The following GNAO1 variants were observed in gnomAD, a reference collection of about 807,000 sequenced individuals.
GNAO1 encodes guanine nucleotide-binding protein G(o) subunit alpha.
For synonymous variants in GNAO1, 164 were observed against 180.7 expected (o/e 0.91, Z 0.74); for missense variants, 166 against 478.7 (o/e 0.35, Z 6.10).
chr16:56,345,295 T>C, intron 6 of GNAO1: 1 of 985,370 alleles, frequency 1.0e-6, no homozygotes. Context: ...GACCTAGATG[T>C]GCCATGGGAG....
At chr16:56,192,553 C>G (rs1475097755) in intron 1 of GNAO1, 21 bp from the exon 2 acceptor site, 1 of 1,573,110 alleles carries the variant, frequency 6.4e-7, no homozygotes, top group Non-Finnish European at 8.7e-7. Context: ...CAGTTTTTCC[C>G]CACTGTCTGT....
chr16:56,282,621 G>A (rs547283973), intron 3 of GNAO1, among the ~76,000 whole-genome samples: 8 of 152,360 alleles, frequency 5.3e-5, no homozygotes, highest in Admixed American at 2.6e-4. Flanking sequence ...TGAGCAAGGA[G>A]AGTCAGGCAG....
intron 2 of GNAO1, among the ~76,000 whole-genome samples, chr16:56,234,412 A>C (rs908009812): frequency 6.6e-6 from 1 of 152,266 alleles, no homozygotes; most frequent in African/African-American, 2.4e-5. Context: ...GGGGATTGAC[A>C]GACATGCTCG....
chr16:56,318,259 A>G (rs936911857), intron 3 of GNAO1, among the ~76,000 whole-genome samples: 42 of 152,186 alleles, frequency 2.8e-4, no homozygotes, highest in African/African-American at 9.2e-4. Flanking sequence ...TCAGATGTGC[A>G]GGCCTGGGTG....
chr16:56,263,155 A>G (rs1481151510), intron 2 of GNAO1, among the ~76,000 whole-genome samples: 2 of 152,230 alleles, frequency 1.3e-5, no homozygotes, highest in South Asian at 2.1e-4. Flanking sequence ...AAGACTATTC[A>G]GTCCGCAAGG....
intron 3 of GNAO1, 68 bp downstream of exon 3, chr16:56,276,140 T>C: frequency 7.2e-7 from 1 of 1,395,362 alleles, no homozygotes. Flanking sequence ...GCCTCCTCTT[T>C]ATAGTGCTGG....
At chr16:56,231,208 C>T (rs1276224649) in intron 2 of GNAO1, among the ~76,000 whole-genome samples, 1 of 152,144 alleles carries the variant, frequency 6.6e-6, no homozygotes, top group African/African-American at 2.4e-5. Flanking sequence ...ATGGCCAGGC[C>T]CAGACCTTGA....
intron 3 of GNAO1, among the ~76,000 whole-genome samples, chr16:56,322,158 A>G (rs1158840852): frequency 6.6e-6 from 1 of 152,116 alleles, no homozygotes; most frequent in Non-Finnish European, 1.5e-5. Context: ...TCACCTCCCA[A>G]AGGCCCCATC....
intron 1 of GNAO1, 104 bp downstream of exon 1, chr16:56,192,457 G>T: frequency 1.5e-6 from 1 of 668,016 alleles, no homozygotes; most frequent in Non-Finnish European, 2.5e-6. Flanking sequence ...TGGTCCCCAA[G>T]TTGGCACCAC....
chr16:56,277,833 AC>A, intron 3 of GNAO1, among the ~76,000 whole-genome samples: 1 of 124,264 alleles, frequency 8.0e-6, no homozygotes, highest in Non-Finnish European at 1.8e-5. Flanking sequence ...ACACACACAC[AC>A]ACACACACGG....
At chr16:56,344,715 C>T in intron 6 of GNAO1, 2 of 985,544 alleles carry the variant, frequency 2.0e-6, no homozygotes, top group Non-Finnish European at 2.4e-6. Flanking sequence ...GCTGGGGCCT[C>T]CCGCCCAGTC....
intron 3 of GNAO1, among the ~76,000 whole-genome samples, chr16:56,306,593 T>C (rs1256713240): frequency 6.6e-6 from 1 of 152,168 alleles, no homozygotes; most frequent in Non-Finnish European, 1.5e-5. Flanking sequence ...CAGCCTCCAG[T>C]CACTGCCTCC....
In GNAO1 at chr16:56,211,047, G is replaced by T. The variant is rs960191944; in HGVS notation, c.161+18431G>T. 2.6e-5 allele frequency among the ~76,000 whole-genome samples: 4 copies of T among 152,148 alleles called. No homozygotes were observed. In the South Asian group the frequency reaches 8.3e-4, roughly 32 times the overall value. ...CCAGAGAGGGGAGTGATCTGACTAG[G>T]TTCCTATGGCTAGCTAGTAGCAGAG... On this transcript the variant is annotated intron_variant, in intron 2 of 8. Transcript: ENST00000262493.
At chr16:56,336,914 G>T in intron 6 of GNAO1, 54 bp downstream of exon 6, 1 of 1,549,442 alleles carries the variant, frequency 6.5e-7, no homozygotes, top group Non-Finnish European at 8.7e-7. Context: ...ACGGCCGCAG[G>T]ATAGGCCAGC....
intron 3 of GNAO1, among the ~76,000 whole-genome samples, chr16:56,281,928 T>C (rs1253323942): frequency 6.6e-6 from 1 of 152,256 alleles, no homozygotes; most frequent in African/African-American, 2.4e-5. Context: ...AAAATATACG[T>C]GTGTATGTAT....
Position 56,340,987 on chromosome 16 carries a change from G to A in GNAO1, c.723+4127G>A. Reference sequence around the variant, plus strand: ...CACCATCTGCTTTCCTGAATATACAGGTAGAGACCCCTCCAGGGACAGCAG... The same window carrying A: ...CACCATCTGCTTTCCTGAATATACAAGTAGAGACCCCTCCAGGGACAGCAG... On this transcript the variant is annotated intron_variant, in intron 6 of 8. Coordinates refer to ENST00000262493, the MANE Select transcript of GNAO1 (RefSeq NM_020988.3). The A allele has an allele frequency of 1.2e-6, 2 of 1,612,936 alleles. No individual in the cohort carries two copies. Among genetic ancestry groups the A allele is most frequent in the Non-Finnish European group, 1.7e-6 (2 of 1,179,232 alleles).
Position 56,354,840 on chromosome 16 carries a change from C to G in GNAO1, c.878-26C>G, listed in dbSNP as rs1487977209. 6.6e-7 allele frequency: 1 copy of G among 1,523,910 alleles called. No individual in the cohort carries two copies. The highest frequency in any genetic ancestry group is 9.1e-7 in the Non-Finnish European group (1 of 1,099,886). 94.4% of individuals were successfully genotyped at this position (1,523,910 alleles called of 1,614,324 possible). Reference sequence around the variant, plus strand: ...ACCCACAGCGCTCATCAGGGCCTCTCCCCGTTCTTCTGTGTCTTGTTACAG... The same window carrying G: ...ACCCACAGCGCTCATCAGGGCCTCTGCCCGTTCTTCTGTGTCTTGTTACAG... On this transcript the variant is annotated intron_variant, in intron 7 of 8. Coordinates refer to ENST00000262493, the MANE Select transcript of GNAO1 (RefSeq NM_020988.3). This position sits in a 1 kb window ranked among gnomAD's most constrained non-coding sequence, Gnocchi z 4.3.
intron 4 of GNAO1, chr16:56,329,265 G>A (rs940461287): frequency 6.5e-6 from 1 of 153,214 alleles, no homozygotes; most frequent in South Asian, 2.0e-4. Context: ...TAAGGAATAT[G>A]TAAGTCTAAT....
At chr16:56,230,840 A>G (rs1291855010) in intron 2 of GNAO1, among the ~76,000 whole-genome samples, 4 of 152,216 alleles carry the variant, frequency 2.6e-5, no homozygotes, top group Non-Finnish European at 2.9e-5. Context: ...AAAGGCTCAT[A>G]GAGACCATCC....
Sources: gnomAD v4.1 joint callset for allele counts (sites outside exome capture counted in the v4.1 genomes callset) on GRCh38, gnomAD v4.1.1 for gene constraint, Gnocchi (gnomAD v3.1) non-coding constraint, MANE v1.5 for transcripts, NCBI Gene and HGNC (gene_info 2026-07-23, HGNC 2026-07-21) for gene names.